FBXW7: variants seen among roughly 807,000 people sequenced by gnomAD.
FBXW7 encodes F-box and WD repeat domain containing 7, also known as F-box/WD repeat-containing protein 7.
A neutral mutation model predicts 86.3 loss-of-function variants in FBXW7; 11 were observed. The ratio of observed to expected loss-of-function variants is 0.13; its 90% confidence interval spans 0.08 to 0.21. The LOEUF is 0.21. Ranked by LOEUF, FBXW7 falls within the 10% of genes least tolerant of loss-of-function variation. The pLI is 1.00. For missense variants in FBXW7, 488 were observed against 847.4 expected (o/e 0.58, Z 5.27); for synonymous variants, 313 against 297.9 (o/e 1.05, Z -0.52).
chr4:152,504,372 G>GTACT (rs2149705031), intron 2 of FBXW7, among the ~76,000 whole-genome samples: 1 of 152,218 alleles, frequency 6.6e-6, no homozygotes, highest in East Asian at 1.9e-4. Context: ...GTTTTGCAAA[G>GTACT]TGGCTGCAAA....
chr4:152,354,821 T>C (rs1269756332), intron 4 of FBXW7, among the ~76,000 whole-genome samples: 1 of 152,142 alleles, frequency 6.6e-6, no homozygotes, highest in Non-Finnish European at 1.5e-5. Context: ...CAGGTTTGTA[T>C]GCTTCAAACA....
chr4:152,513,447 T>C (rs1347349289), intron 2 of FBXW7, among the ~76,000 whole-genome samples: 1 of 152,174 alleles, frequency 6.6e-6, no homozygotes, highest in Admixed American at 6.5e-5. Flanking sequence ...TATTGGAGGA[T>C]ACAGCCCGAG....
At chr4:152,334,310 T>C (rs1238365821) in intron 7 of FBXW7, among the ~76,000 whole-genome samples, 4 of 152,192 alleles carry the variant, frequency 2.6e-5, no homozygotes, top group African/African-American at 9.7e-5. Context: ...GTCTCAATAT[T>C]GTACTTAACA....
intron 2 of FBXW7, among the ~76,000 whole-genome samples, chr4:152,469,506 C>G (rs1171385701): frequency 6.6e-6 from 1 of 152,092 alleles, no homozygotes; most frequent in Non-Finnish European, 1.5e-5. Context: ...TGCATAGACC[C>G]TGACCACAGT....
At chr4:152,335,749 G>A (rs539077378) in intron 7 of FBXW7, among the ~76,000 whole-genome samples, 5 of 152,236 alleles carry the variant, frequency 3.3e-5, no homozygotes, top group Admixed American at 2.0e-4. Context: ...CAGACTTGCT[G>A]TATTTCAGTG....
intron 11 of FBXW7, 107 bp from the exon 12 acceptor site, chr4:152,326,338 T>C: frequency 4.6e-6 from 3 of 648,200 alleles, no homozygotes; most frequent in Non-Finnish European, 4.8e-6. Context: ...TTTTAGCTTT[T>C]TTTTTTTTTT....
At chr4:152,442,097 T>A (rs539816592) in intron 2 of FBXW7, among the ~76,000 whole-genome samples, 1 of 152,326 alleles carries the variant, frequency 6.6e-6, no homozygotes, top group African/African-American at 2.4e-5. Flanking sequence ...TAAAAGATAT[T>A]GCTTATAATA....
intron 4 of FBXW7, among the ~76,000 whole-genome samples, chr4:152,409,694 T>C (rs1365593737): frequency 6.6e-6 from 1 of 150,588 alleles, no homozygotes; most frequent in Non-Finnish European, 1.5e-5. Context: ...TCAAAAACTA[T>C]ACATACACAC....
chr4:152,333,070 T>TAA (rs555138773), intron 7 of FBXW7, among the ~76,000 whole-genome samples: 1 of 152,176 alleles, frequency 6.6e-6, no homozygotes, highest in South Asian at 2.1e-4. Flanking sequence ...TACTACAATG[T>TAA]AAATTCACTG....
intron 2 of FBXW7, among the ~76,000 whole-genome samples, chr4:152,441,605 G>A (rs898616286): frequency 6.6e-6 from 1 of 152,080 alleles, no homozygotes; most frequent in Non-Finnish European, 1.5e-5. Flanking sequence ...AGTAAAGGAG[G>A]AAGCAACAAT....
At chr4:152,337,130 C>G (rs1323520742) in intron 7 of FBXW7, among the ~76,000 whole-genome samples, 2 of 151,598 alleles carry the variant, frequency 1.3e-5, no homozygotes, top group African/African-American at 4.8e-5. Context: ...TATGAATGCC[C>G]ATATAATCAG....
chr4:152,426,010 CCAT>C (rs1159679728), intron 2 of FBXW7, among the ~76,000 whole-genome samples: 2 of 152,146 alleles, frequency 1.3e-5, no homozygotes, highest in Non-Finnish European at 2.9e-5. Flanking sequence ...GAATTTATAA[CCAT>C]AAACAGGCCC....
intron 2 of FBXW7, among the ~76,000 whole-genome samples, chr4:152,438,148 T>C (rs1425885657): frequency 1.3e-5 from 2 of 152,166 alleles, no homozygotes; most frequent in African/African-American, 2.4e-5. Context: ...CACTCCAGCC[T>C]GGGCAACAGA....
At chr4:152,341,888 T>G (rs1477144188) in intron 6 of FBXW7, among the ~76,000 whole-genome samples, 1 of 152,210 alleles carries the variant, frequency 6.6e-6, no homozygotes, top group South Asian at 2.1e-4. Flanking sequence ...AGTTGAGAGA[T>G]AACTGAATTG....
chr4:152,435,994 A>G (rs1481616025), intron 2 of FBXW7, among the ~76,000 whole-genome samples: 1 of 152,138 alleles, frequency 6.6e-6, no homozygotes, highest in African/African-American at 2.4e-5. Context: ...TATTCTGACT[A>G]CTACACCAAC....
chr4:152,462,554 A>C (rs76306697), intron 2 of FBXW7, among the ~76,000 whole-genome samples: 2,087 of 152,262 alleles, frequency 0.014, 26 homozygotes, highest in Middle Eastern at 0.037. Context: ...GCTACCCGTA[A>C]CTTCTTTCCT....
At chr4:152,468,514 T>G (rs74968472) in intron 2 of FBXW7, among the ~76,000 whole-genome samples, 4,663 of 152,202 alleles carry the variant, frequency 0.031, 118 homozygotes, top group African/African-American at 0.062. Context: ...GACAAATATT[T>G]TATGATTCTG....
At chr4:152,519,457 T>TTTACCCAA (rs200956610) in intron 2 of FBXW7, among the ~76,000 whole-genome samples, 1 of 152,206 alleles carries the variant, frequency 6.6e-6, no homozygotes, top group Admixed American at 6.5e-5. Flanking sequence ...AGGCTCATCC[T>TTTACCCAA]GAAATAATCT....
At chr4:152,470,544 T>C (rs1743852203) in intron 2 of FBXW7, among the ~76,000 whole-genome samples, 1 of 152,136 alleles carries the variant, frequency 6.6e-6, no homozygotes, top group African/African-American at 2.4e-5. Context: ...CCATCCTATG[T>C]TGGTACTTAA....
Sources: gnomAD v4.1 joint callset for allele counts (sites outside exome capture counted in the v4.1 genomes callset) on GRCh38, gnomAD v4.1.1 for gene constraint, MANE v1.5 for transcripts, NCBI Gene and HGNC (gene_info 2026-07-23, HGNC 2026-07-21) for gene names.